Variants in IQCM observed in about 807,000 individuals in gnomAD.
IQCM encodes IQ domain-containing protein M.
In IQCM, 45 loss-of-function variants were observed where a neutral mutation model predicts 57.6. That is an observed-to-expected ratio of 0.78 (90% CI 0.62 to 1.00). The LOEUF is 1.00. Ranked by LOEUF, IQCM falls within the 50% of genes least tolerant of loss-of-function variation. The pLI, the probability that IQCM is intolerant of heterozygous loss-of-function variation, is 0.00. For synonymous variants in IQCM, 148 were observed against 158.9 expected (o/e 0.93, Z 0.51); for missense variants, 468 against 511.6 (o/e 0.91, Z 0.82).
chr4:149,490,833 G>T (rs773368816), intron 12 of IQCM, among the ~76,000 whole-genome samples: 1 of 152,022 alleles, frequency 6.6e-6, no homozygotes. Flanking sequence ...CCTTGGTAAC[G>T]CTAATCACAA....
intron 13 of IQCM, chr4:149,430,003 C>G (rs1734713830): frequency 8.1e-7 from 1 of 1,228,800 alleles, no homozygotes; most frequent in Non-Finnish European, 1.0e-6. Flanking sequence ...AGATATAGGT[C>G]ACCTTCTGAT....
chr4:149,759,267 A>G (rs552531269), intron 2 of IQCM, among the ~76,000 whole-genome samples: 1 of 152,304 alleles, frequency 6.6e-6, no homozygotes, highest in Admixed American at 6.5e-5. Flanking sequence ...AGGGAAGGGG[A>G]GAGATGAATT....
At chr4:149,520,049 C>A (rs1745456307) in intron 12 of IQCM, among the ~76,000 whole-genome samples, 1 of 152,004 alleles carries the variant, frequency 6.6e-6, no homozygotes, top group Non-Finnish European at 1.5e-5. Flanking sequence ...TATTTTATAT[C>A]CATTAAACAA....
chr4:149,634,581 A>C (rs529108293), intron 7 of IQCM, among the ~76,000 whole-genome samples: 1 of 152,160 alleles, frequency 6.6e-6, no homozygotes, highest in South Asian at 2.1e-4. Context: ...CTTAGTCAAC[A>C]CTTCTTTGCC....
intron 10 of IQCM, among the ~76,000 whole-genome samples, chr4:149,558,652 G>A (rs888258280): frequency 3.3e-5 from 5 of 152,054 alleles, no homozygotes; most frequent in East Asian, 1.9e-4. Flanking sequence ...GCAGCTTTTC[G>A]ATAATATGAC....
Position 149,808,013 on chromosome 4 carries a change from T to C in IQCM, c.-49+7298A>G, listed in dbSNP as rs576142765. Among the ~76,000 whole-genome samples, 34 of 152,178 alleles carry C rather than the reference T, an allele frequency of 2.2e-4. No individual in the cohort carries two copies. In the South Asian group the frequency reaches 7.1e-3, roughly 32 times the overall value. ...TCACTGTGAAGAATGGTATGGAAGT[T>C]TCTCAAAAAACTAAAAATAGAACTA... is the stretch of plus-strand genomic sequence containing the variant. On this transcript the variant is annotated intron_variant, in intron 2 of 13. Coordinates refer to ENST00000636793, the MANE Select transcript of IQCM (RefSeq NM_001363507.2).
At chr4:149,632,292 G>C (rs894210196) in intron 7 of IQCM, among the ~76,000 whole-genome samples, 1 of 152,170 alleles carries the variant, frequency 6.6e-6, no homozygotes, top group Non-Finnish European at 1.5e-5. Flanking sequence ...TTGGCAATGT[G>C]AAAGAATGAT....
At chr4:149,798,207 A>G (rs1039608870) in intron 2 of IQCM, among the ~76,000 whole-genome samples, 1 of 152,062 alleles carries the variant, frequency 6.6e-6, no homozygotes, top group African/African-American at 2.4e-5. Context: ...GGACAAAGTT[A>G]AGGCATAGTG....
intron 7 of IQCM, among the ~76,000 whole-genome samples, chr4:149,663,085 TG>T (rs1405357543): frequency 1.3e-5 from 2 of 152,024 alleles, no homozygotes; most frequent in Admixed American, 6.6e-5. Context: ...TCTTTCTTTG[TG>T]GTTACTATGG....
intron 2 of IQCM, among the ~76,000 whole-genome samples, chr4:149,761,286 CTAA>C (rs1769489134): frequency 6.6e-6 from 1 of 152,014 alleles, no homozygotes; most frequent in Admixed American, 6.6e-5. Context: ...TATAAATAAT[CTAA>C]TAATAAATAA....
rs1338674257 is a variant in IQCM at position 149,560,270 on chromosome 4, T to C, written c.948+3422A>G. 2.0e-5 allele frequency among the ~76,000 whole-genome samples: 3 copies of C among 152,342 alleles called. 1 individual carries two copies. The highest frequency in any genetic ancestry group is 4.1e-4 in the South Asian group (2 of 4,828). The stretch of plus-strand genomic sequence containing the variant: ...GACCATGGAGTTATTCTTATGGTAA[T>C]ATTGAAACTCAGATTCTCCAGGGCT... On this transcript the variant is annotated intron_variant, in intron 10 of 13. Transcript: ENST00000636793.
chr4:149,701,732 G>T (rs1270461524), intron 5 of IQCM, among the ~76,000 whole-genome samples: 1 of 151,886 alleles, frequency 6.6e-6, no homozygotes, highest in Non-Finnish European at 1.5e-5. Flanking sequence ...GATACTACAA[G>T]AATAGAAAAT....
intron 8 of IQCM, among the ~76,000 whole-genome samples, chr4:149,607,514 G>A (rs999338061): frequency 4.6e-5 from 7 of 151,982 alleles, no homozygotes; most frequent in Admixed American, 2.0e-4. Context: ...ATTGCGATGT[G>A]TAAACCATTC....
At chr4:149,763,848 C>CT (rs551695129) in intron 2 of IQCM, among the ~76,000 whole-genome samples, 19 of 148,508 alleles carry the variant, frequency 1.3e-4, no homozygotes, top group Admixed American at 8.8e-4. Flanking sequence ...GAACAGGGAA[C>CT]TTTTTTTTTT....
At chr4:149,623,185 T>C (rs188633963) in intron 7 of IQCM, among the ~76,000 whole-genome samples, 272 of 152,264 alleles carry the variant, frequency 1.8e-3, no homozygotes, top group Non-Finnish European at 2.8e-3. Flanking sequence ...ATTAAATAAA[T>C]AAATAAAATT....
At chr4:149,795,985 G>T (rs1773074096) in intron 2 of IQCM, among the ~76,000 whole-genome samples, 1 of 152,180 alleles carries the variant, frequency 6.6e-6, no homozygotes, top group Non-Finnish European at 1.5e-5. Context: ...CTCTAGGTGA[G>T]ACTCAGAACA....
At chr4:149,730,390 T>C (rs915815503) in intron 5 of IQCM, among the ~76,000 whole-genome samples, 1 of 152,200 alleles carries the variant, frequency 6.6e-6, no homozygotes, top group African/African-American at 2.4e-5. Flanking sequence ...CCAGTAAACA[T>C]GCTAAAATGC....
intron 12 of IQCM, among the ~76,000 whole-genome samples, chr4:149,449,242 CA>C (rs1311095360): frequency 2.3e-5 from 3 of 131,346 alleles, no homozygotes; most frequent in African/African-American, 8.5e-5. Context: ...AACAAACAAA[CA>C]ACAAAAAAAA....
intron 12 of IQCM, among the ~76,000 whole-genome samples, chr4:149,479,270 C>A (rs952926958): frequency 6.6e-5 from 10 of 152,144 alleles, no homozygotes; most frequent in African/African-American, 2.4e-4. Flanking sequence ...AGATTCCTCT[C>A]AAATGGCATG....
Sources: gnomAD v4.1 joint callset for allele counts (sites outside exome capture counted in the v4.1 genomes callset) on GRCh38, gnomAD v4.1.1 for gene constraint, MANE v1.5 for transcripts, NCBI Gene and HGNC (gene_info 2026-07-23, HGNC 2026-07-21) for gene names.